Variants in TMPRSS15 observed in about 807,000 individuals in gnomAD.
TMPRSS15 encodes the protein enteropeptidase.
TMPRSS15 carries 128 observed loss-of-function variants against 125.3 expected under a neutral mutation model. That is an observed-to-expected ratio of 1.02 (90% CI 0.89 to 1.18). The LOEUF is 1.18. TMPRSS15 is among the 50% of genes most tolerant of loss of function. The probability of loss-of-function intolerance (pLI) is 0.00; values close to 1 mark genes in which losing one functional copy is unlikely to be tolerated. For missense variants in TMPRSS15, 1,283 were observed against 1,212.7 expected, an observed-to-expected ratio of 1.06 and a Z score of -0.86; for synonymous variants, 446 against 423.2, an observed-to-expected ratio of 1.05 and a Z score of -0.66.
At chr21:18,351,926 A>G (rs1441301525) in intron 10 of TMPRSS15, among the ~76,000 whole-genome samples, 2 of 152,158 alleles carry the variant, frequency 1.3e-5, no homozygotes, top group East Asian at 1.9e-4. Flanking sequence ...AAGTTACTGT[A>G]TATGACCTGT....
rs1476408262 is a variant in TMPRSS15, at chr21:18,270,099, C to T, written c.2930G>A (p.Cys977Tyr). 2 of 1,613,808 alleles carry T rather than the reference C, an allele frequency of 1.2e-6. No homozygotes were observed. Among genetic ancestry groups the T allele is most frequent in the Admixed American group, 3.3e-5 (2 of 59,980 alleles). Residue 977 changes from cysteine to tyrosine, a missense_variant, in exon 25 of 25, where the codon TGC becomes TAC. Coordinates refer to ENST00000284885, the MANE Select transcript of TMPRSS15 (RefSeq NM_002772.3). Reference protein sequence around the residue: ...CQGDSGGPLMCQENNRWFLAG... With the variant: ...CQGDSGGPLMYQENNRWFLAG... ...AAGGAACCACCTGTTGTTTTCTTGG[C>T]ACATTAATGGTCCTCCTGAATCCCC...
intron 1 of TMPRSS15, among the ~76,000 whole-genome samples, chr21:18,481,817 CTATTTCAAAGTTT>C (rs1978987398): frequency 6.6e-6 from 1 of 151,540 alleles, no homozygotes; most frequent in Non-Finnish European, 1.5e-5. Context: ...AATCAAAAGT[CTATTTCAAAGTTT>C]TACAACCACA....
In TMPRSS15 at chr21:18,313,035, C is replaced by T. The variant is rs375777008; in HGVS notation, c.2075G>A (p.Arg692Gln). 36 of 1,613,662 alleles carry T rather than the reference C, an allele frequency of 2.2e-5. 1 individual carries two copies. The highest frequency in any genetic ancestry group is 1.6e-4 in the Middle Eastern group (1 of 6,082). ...NGTTNNNGLV[R>Q]FRIQSIWHTA... ...ATGCCATATGCTCTGGATTCTGAAC[C>T]GCACTAAACCATTGTTGTTCGTTGT... The change falls in exon 18 of 25, where the codon CGG (arginine) becomes CAG (glutamine). Residue 692 changes from arginine (R) to glutamine (Q), a missense_variant. Physicochemically the swap from Arg to Gln is conservative, Grantham distance 43. Transcript: ENST00000284885.
chr21:18,391,765 C>T (rs1046077868), intron 3 of TMPRSS15, among the ~76,000 whole-genome samples: 5 of 152,250 alleles, frequency 3.3e-5, no homozygotes, highest in Non-Finnish European at 7.3e-5. Context: ...TTCTGCACTG[C>T]TCTAGCAGAA....
rs559507386 is a variant in TMPRSS15 at position 18,302,260 on chromosome 21, G to A, written c.2166-4431C>T. On this transcript the variant is annotated intron_variant, in intron 18 of 24. Coordinates refer to ENST00000284885, the MANE Select transcript of TMPRSS15 (RefSeq NM_002772.3). ...CCCGAAAAGGCTTTTGGAGAAGGACGGTTGTTTCTTTTCAGATTGGAGGGA... is the reference window on the plus strand; with the variant it reads ...CCCGAAAAGGCTTTTGGAGAAGGACAGTTGTTTCTTTTCAGATTGGAGGGA... 6.6e-5 allele frequency among the ~76,000 whole-genome samples: 10 copies of A among 152,314 alleles called. No individual in the cohort carries two copies. The East Asian group carries it at 7.7e-4, about 12-fold the overall frequency.
intron 3 of TMPRSS15, among the ~76,000 whole-genome samples, chr21:18,394,928 TAACACATGCATAA>T (rs924199766): frequency 5.3e-5 from 8 of 152,102 alleles, no homozygotes; most frequent in Non-Finnish European, 1.0e-4. Context: ...CATAGAAGAG[TAACACATGCATAA>T]CCATTAAAAA....
At chr21:18,420,554 G>C (rs2123190310) in intron 1 of TMPRSS15, among the ~76,000 whole-genome samples, 1 of 152,256 alleles carries the variant, frequency 6.6e-6, no homozygotes, top group Admixed American at 6.5e-5. Context: ...ATTTGCCTTT[G>C]ACTTAGTGAT....
intron 7 of TMPRSS15, among the ~76,000 whole-genome samples, chr21:18,361,977 G>C (rs2075683436): frequency 6.6e-6 from 1 of 152,038 alleles, no homozygotes; most frequent in Non-Finnish European, 1.5e-5. Flanking sequence ...TGTATATTTT[G>C]AGAAGCTCCA....
At chr21:18,461,156 A>G (rs187736635) in intron 1 of TMPRSS15, among the ~76,000 whole-genome samples, 1 of 152,298 alleles carries the variant, frequency 6.6e-6, no homozygotes, top group African/African-American at 2.4e-5. Flanking sequence ...AGATCAGTGC[A>G]TCTGGCCAAT....
At chr21:18,347,646 G>GT (rs1321323635) in intron 10 of TMPRSS15, among the ~76,000 whole-genome samples, 6 of 151,858 alleles carry the variant, frequency 4.0e-5, no homozygotes, top group African/African-American at 1.5e-4. Flanking sequence ...GCTGTCTGTT[G>GT]TTTAACATAT....
intron 3 of TMPRSS15, among the ~76,000 whole-genome samples, chr21:18,387,595 C>T (rs1283908621): frequency 1.4e-5 from 2 of 139,832 alleles, no homozygotes; most frequent in Non-Finnish European, 3.1e-5. Flanking sequence ...TGAAGAGTAG[C>T]TACACACACA....
chr21:18,390,817 C>T (rs1295968231), intron 3 of TMPRSS15, among the ~76,000 whole-genome samples: 1 of 152,066 alleles, frequency 6.6e-6, no homozygotes, highest in South Asian at 2.1e-4. Context: ...AAAGAAATAC[C>T]TGAGACTGGG....
At chr21:18,296,464 G>T (rs1387845564) in intron 19 of TMPRSS15, among the ~76,000 whole-genome samples, 2 of 152,130 alleles carry the variant, frequency 1.3e-5, no homozygotes, top group African/African-American at 2.4e-5. Context: ...TGTGATGAAA[G>T]GTTAAAATAT....
intron 1 of TMPRSS15, among the ~76,000 whole-genome samples, chr21:18,445,106 G>A (rs1367143773): frequency 6.6e-6 from 1 of 151,830 alleles, no homozygotes; most frequent in Non-Finnish European, 1.5e-5. Context: ...CATGTGTTCA[G>A]AAATGACCAA....
chr21:18,435,411 C>A (rs1448718605), intron 1 of TMPRSS15, among the ~76,000 whole-genome samples: 2 of 152,120 alleles, frequency 1.3e-5, no homozygotes, highest in African/African-American at 4.8e-5. Context: ...GTCTTTGGTT[C>A]TGTTTATATG....
intron 1 of TMPRSS15, among the ~76,000 whole-genome samples, chr21:18,412,094 C>T (rs2076167352): frequency 1.3e-5 from 2 of 152,154 alleles, no homozygotes; most frequent in Non-Finnish European, 2.9e-5. Flanking sequence ...ATCCAGAATC[C>T]TAACCAATTC....
intron 12 of TMPRSS15, among the ~76,000 whole-genome samples, chr21:18,342,254 T>C (rs141291664): frequency 1.3e-5 from 2 of 152,386 alleles, no homozygotes; most frequent in African/African-American, 4.8e-5. Flanking sequence ...GAATGTCTGC[T>C]ATATGCTATT....
At chr21:18,293,708 CAG>C (rs2074865776) in intron 21 of TMPRSS15, among the ~76,000 whole-genome samples, 1 of 152,126 alleles carries the variant, frequency 6.6e-6, no homozygotes, top group Non-Finnish European at 1.5e-5. Context: ...TAGTATAAAA[CAG>C]AGTCAGATAC....
chr21:18,376,540 A>C (rs1319467548), intron 5 of TMPRSS15, among the ~76,000 whole-genome samples: 1 of 152,092 alleles, frequency 6.6e-6, no homozygotes, highest in African/African-American at 2.4e-5. Flanking sequence ...AAACTCTTTC[A>C]CATAGTGGAA....
Sources: gnomAD v4.1 joint callset for allele counts (sites outside exome capture counted in the v4.1 genomes callset) on GRCh38, gnomAD v4.1.1 for gene constraint, MANE v1.5 for transcripts, NCBI Gene and HGNC (gene_info 2026-07-23, HGNC 2026-07-21) for gene names.